The following SEC31A variants were observed in gnomAD, a reference collection of about 807,000 sequenced individuals.
SEC31A encodes the protein protein transport protein Sec31A.
A neutral mutation model predicts 151.0 loss-of-function variants in SEC31A; 70 were observed. The observed-to-expected ratio is 0.46, with a 90% CI of 0.38 to 0.57. The LOEUF (loss-of-function observed/expected upper bound fraction) is 0.57. Ranked by LOEUF, SEC31A falls within the 20% of genes least tolerant of loss-of-function variation. The pLI, the probability that SEC31A is intolerant of heterozygous loss-of-function variation, is 0.00. For missense variants in SEC31A, 1,330 were observed against 1,471.2 expected (o/e 0.90, Z 1.57); for synonymous variants, 475 against 505.9 (o/e 0.94, Z 0.82).
At chr4:82,846,375 A>C (rs1390319675) in intron 20 of SEC31A, among the ~76,000 whole-genome samples, 2 of 146,908 alleles carry the variant, frequency 1.4e-5, no homozygotes, top group African/African-American at 5.0e-5. Context: ...ACATAATAAT[A>C]ATAATAATAA....
At chr4:82,861,901 CATTCTTTTTTTT>C (rs1734208327) in intron 13 of SEC31A, 193 bp from the exon 14 acceptor site, 6 of 238,806 alleles carry the variant, frequency 2.5e-5, no homozygotes, top group Middle Eastern at 1.4e-3. Flanking sequence ...AACACTTTCC[CATTCTTTTTTTT>C]TTTTTTTTTT....
intron 22 of SEC31A, among the ~76,000 whole-genome samples, chr4:82,836,299 G>A (rs909021595): frequency 4.6e-5 from 7 of 151,020 alleles, no homozygotes; most frequent in Admixed American, 4.6e-4. Flanking sequence ...CTTGAACCCA[G>A]GAGGCGGAGG....
intron 10 of SEC31A, among the ~76,000 whole-genome samples, chr4:82,865,926 A>G (rs1309176685): frequency 6.6e-6 from 1 of 152,122 alleles, no homozygotes; most frequent in Non-Finnish European, 1.5e-5. Flanking sequence ...TGTATATTTT[A>G]AAATGGTTAA....
intron 1 of SEC31A, chr4:82,890,808 G>A: frequency 7.7e-7 from 1 of 1,302,678 alleles, no homozygotes; most frequent in Non-Finnish European, 9.8e-7. Flanking sequence ...TACCAGCCCG[G>A]CTACTACTCC....
At chr4:82,876,311 T>C (rs1032035234) in intron 4 of SEC31A, among the ~76,000 whole-genome samples, 2 of 152,022 alleles carry the variant, frequency 1.3e-5, no homozygotes, top group Non-Finnish European at 2.9e-5. Context: ...GGTTTCTCCA[T>C]GTTGGTCAGG....
At position 82,828,987 on chromosome 4, in the gene SEC31A, C is replaced by A; in HGVS notation, c.3027+13G>T. 6.2e-7 allele frequency: 1 copy of A among 1,611,598 alleles called. No homozygotes were observed. Among genetic ancestry groups the A allele is most frequent in the South Asian group, 1.1e-5 (1 of 91,016 alleles). On this transcript the variant is annotated intron_variant, in intron 23 of 26. Transcript: ENST00000395310. ...CATCTGTAGGCCATTGGATGGACAT[C>A]TTTTTCTAGTACCTTCTTCTTTTTG...
At chr4:82,872,607 A>G (rs1447614188) in intron 6 of SEC31A, among the ~76,000 whole-genome samples, 1 of 152,242 alleles carries the variant, frequency 6.6e-6, no homozygotes, top group Non-Finnish European at 1.5e-5. Flanking sequence ...TCATGCAGCT[A>G]TTTGATACAC....
intron 20 of SEC31A, among the ~76,000 whole-genome samples, chr4:82,844,729 T>C (rs1247251457): frequency 1.3e-5 from 2 of 152,236 alleles, no homozygotes; most frequent in Non-Finnish European, 2.9e-5. Context: ...AAAGTAATAA[T>C]TGCAATGAAT....
At chr4:82,881,754 G>GGA (rs1739403213) in intron 2 of SEC31A, 104 bp downstream of exon 2, 2 of 841,092 alleles carry the variant, frequency 2.4e-6, no homozygotes, top group Non-Finnish European at 4.0e-6. Flanking sequence ...AACTTGCCAG[G>GGA]GAGAGAGAGG....
intron 25 of SEC31A, among the ~76,000 whole-genome samples, chr4:82,822,772 G>C (rs373898122): frequency 1.3e-5 from 2 of 152,082 alleles, no homozygotes; most frequent in African/African-American, 4.8e-5. Flanking sequence ...TTGGGAGTTC[G>C]AGACCAGCCT....
intron 3 of SEC31A, among the ~76,000 whole-genome samples, chr4:82,896,866 C>T (rs1720085882): frequency 6.6e-6 from 1 of 152,034 alleles, no homozygotes; most frequent in Admixed American, 6.5e-5. Flanking sequence ...ACCTTTTTCC[C>T]CAAAGCTTGA....
intron 22 of SEC31A, chr4:82,831,120 CAA>C (rs1292041727): frequency 1.1e-5 from 2 of 179,958 alleles, no homozygotes; most frequent in African/African-American, 4.7e-5. Flanking sequence ...ACTTTTTAAT[CAA>C]GTCATGTGAA....
At chr4:82,854,712 TAAAA>T (rs79298254) in intron 17 of SEC31A, among the ~76,000 whole-genome samples, 187 bp downstream of exon 17, 1 of 140,306 alleles carries the variant, frequency 7.1e-6, no homozygotes, top group Admixed American at 7.0e-5. Flanking sequence ...CTAGTAGATT[TAAAA>T]AAAAAAAAAA....
rs1723389430 is a variant in SEC31A at position 82,821,649 on chromosome 4, G to C, written c.3412-541C>G. Among the ~76,000 whole-genome samples the C allele has an allele frequency of 2.6e-5, 4 of 151,836 alleles. No homozygotes were observed. The South Asian group carries it at 8.3e-4, about 32-fold the overall frequency. ...GTGGAGGGGACTGGGATGAGGAGAG[G>C]ATGAGACTTACTTCCAGTGCATGAA... is the stretch of plus-strand genomic sequence containing the variant. On this transcript the variant is annotated intron_variant, in intron 25 of 26. Coordinates refer to ENST00000395310, the MANE Select transcript of SEC31A (RefSeq NM_001077207.4).
intron 20 of SEC31A, chr4:82,845,304 C>A: frequency 5.9e-6 from 8 of 1,355,984 alleles, no homozygotes; most frequent in Admixed American, 2.8e-5. Flanking sequence ...CTGAATTGAA[C>A]AAAGAAATAC....
rs1186715218 is a variant in SEC31A, at chr4:82,846,365, A to ACAT, written c.2503-1859_2503-1857dup. Among the ~76,000 whole-genome samples, 183 of 27,372 alleles carry ACAT rather than the reference A, an allele frequency of 6.7e-3. 1 individual carries two copies. Among genetic ancestry groups the ACAT allele is most frequent in the African/African-American group, 0.021 (167 of 8,056 alleles). 18.0% of individuals were successfully genotyped at this position (27,372 alleles called of 152,430 possible). On this transcript the variant is annotated intron_variant, in intron 20 of 26. Coordinates refer to ENST00000395310, the MANE Select transcript of SEC31A (RefSeq NM_001077207.4). ...AGTAAATCTTTGCAGAAACTCCAAA[A>ACAT]CATAATAATAATAATAATAATAATA...
intron 26 of SEC31A, among the ~76,000 whole-genome samples, chr4:82,820,127 T>C (rs1479487940): frequency 7.6e-6 from 1 of 130,916 alleles, no homozygotes; most frequent in Admixed American, 1.1e-4. Flanking sequence ...GCTAATTGTA[T>C]CTTCTGTTTT....
At chr4:82,891,275 A>G (rs952327335), upstream of SEC31A, 5 of 1,193,570 alleles carry the variant, frequency 4.2e-6, no homozygotes, top group African/African-American at 3.1e-5. Flanking sequence ...CGCCCACCCG[A>G]CGCACAGCCC....
chr4:82,879,116 G>A (rs371781927), intron 3 of SEC31A, among the ~76,000 whole-genome samples, 188 bp from the exon 4 acceptor site: 2 of 152,062 alleles, frequency 1.3e-5, no homozygotes, highest in African/African-American at 4.8e-5. Flanking sequence ...ACTCATATTT[G>A]CATATGTGAT....
Sources: gnomAD v4.1 joint callset for allele counts (sites outside exome capture counted in the v4.1 genomes callset) on GRCh38, gnomAD v4.1.1 for gene constraint, MANE v1.5 for transcripts, NCBI Gene and HGNC (gene_info 2026-07-23, HGNC 2026-07-21) for gene names.